The following PDE10A variants were observed in gnomAD, a reference collection of about 807,000 sequenced individuals.
PDE10A encodes phosphodiesterase 10A.
Under a neutral mutation model 97.7 loss-of-function variants are expected in PDE10A, and 39 were observed. The ratio of observed to expected loss-of-function variants is 0.40; its 90% confidence interval spans 0.31 to 0.52. The LOEUF (loss-of-function observed/expected upper bound fraction) is 0.52, where lower values mean the gene tolerates loss of function less well. PDE10A is among the 20% of genes least tolerant of loss of function. The probability of loss-of-function intolerance (pLI) is 0.56; values close to 1 mark genes in which losing one functional copy is unlikely to be tolerated. For synonymous variants in PDE10A, 371 were observed against 376.8 expected (o/e 0.98, Z 0.18); for missense variants, 731 against 1,047.8 (o/e 0.70, Z 4.17).
At chr6:165,688,488 A>G (rs1273428251) in intron 1 of PDE10A, among the ~76,000 whole-genome samples, 1 of 152,222 alleles carries the variant, frequency 6.6e-6, no homozygotes, top group Non-Finnish European at 1.5e-5. Flanking sequence ...ACTTGAAGCC[A>G]GAGTAGGAAA....
At chr6:165,848,086 AGCTAT>A (rs1181399529) in intron 1 of PDE10A, among the ~76,000 whole-genome samples, 6 of 21,066 alleles carry the variant, frequency 2.8e-4, no homozygotes, top group South Asian at 4.8e-3. Flanking sequence ...TCCATATGCT[AGCTAT>A]TTTTTTTTTT....
Position 165,943,261 on chromosome 6 carries a change from AGG to A in PDE10A, c.-615+44266_-615+44267del, listed in dbSNP as rs1189949886. On this transcript the variant is annotated intron_variant, in intron 1 of 19. Transcript: ENST00000366882. The stretch of plus-strand genomic sequence containing the variant: ...AAGGAAGGAAGGAAGGAAGGAAGGA[AGG>A]AAGGAAGGAAGGAAAGAAAGAAAGA... Among the ~76,000 whole-genome samples the A allele has an allele frequency of 1.0e-3, 129 of 129,272 alleles. 10 individuals are homozygous for A. The highest frequency in any genetic ancestry group is 4.0e-3 in the African/African-American group (122 of 30,648). 84.8% of individuals were successfully genotyped at this position (129,272 alleles called of 152,430 possible).
intron 1 of PDE10A, among the ~76,000 whole-genome samples, chr6:165,656,504 T>C (rs1789974454): frequency 6.6e-6 from 1 of 151,778 alleles, no homozygotes; most frequent in Admixed American, 6.6e-5. Context: ...TCACACAGAA[T>C]CCCAGCTCCA....
intron 1 of PDE10A, among the ~76,000 whole-genome samples, chr6:165,656,100 G>A (rs751182030): frequency 3.9e-5 from 6 of 151,960 alleles, no homozygotes; most frequent in Non-Finnish European, 7.4e-5. Flanking sequence ...CACCACCAGA[G>A]TGTGGGCACC....
At chr6:165,444,899 CT>C (rs1043141436) in intron 5 of PDE10A, among the ~76,000 whole-genome samples, 2 of 151,936 alleles carry the variant, frequency 1.3e-5, no homozygotes, top group African/African-American at 4.8e-5. Flanking sequence ...ATAATTCTTT[CT>C]TTTTTTAACC....
chr6:165,553,753 T>C (rs887342172), intron 1 of PDE10A, among the ~76,000 whole-genome samples: 2 of 152,244 alleles, frequency 1.3e-5, no homozygotes, highest in Non-Finnish European at 2.9e-5. Flanking sequence ...AATTACTTGC[T>C]TTCTCTCCTA....
chr6:165,709,733 T>A (rs1791847056), intron 1 of PDE10A, among the ~76,000 whole-genome samples: 1 of 121,114 alleles, frequency 8.3e-6, no homozygotes, highest in South Asian at 3.6e-4. Context: ...TCTACCCCCA[T>A]GCTGCCAGGC....
At chr6:165,503,793 T>A (rs1219589997) in intron 2 of PDE10A, among the ~76,000 whole-genome samples, 1 of 151,806 alleles carries the variant, frequency 6.6e-6, no homozygotes, top group African/African-American at 2.4e-5. Context: ...AGACCAAGTA[T>A]CCAAAAGAAA....
At chr6:165,812,153 G>T (rs1779301688) in intron 1 of PDE10A, among the ~76,000 whole-genome samples, 1 of 152,168 alleles carries the variant, frequency 6.6e-6, no homozygotes, top group Non-Finnish European at 1.5e-5. Context: ...ACCTAGCCAA[G>T]CCAGTGTCTT....
At chr6:165,435,146 T>C in intron 6 of PDE10A, 91 bp downstream of exon 6, 1 of 1,127,650 alleles carries the variant, frequency 8.9e-7, no homozygotes, top group Non-Finnish European at 1.3e-6. Flanking sequence ...AAAATGAAAC[T>C]ATTTAAATTA....
At chr6:165,835,255 A>C (rs1394973113) in intron 1 of PDE10A, among the ~76,000 whole-genome samples, 1 of 152,154 alleles carries the variant, frequency 6.6e-6, no homozygotes, top group East Asian at 1.9e-4. Flanking sequence ...CTTTGAAACA[A>C]ATTTATTTTT....
chr6:165,936,255 T>G lies in PDE10A; in HGVS notation c.-615+51274A>C, dbSNP rs554887394. The stretch of plus-strand genomic sequence containing the variant: ...GCTGGAGATATGAAATCCATTTTAC[T>G]GATGCCAGAGGGAGGAATGTGATGA... On this transcript the variant is annotated intron_variant, in intron 1 of 19. Transcript: ENST00000366882. 1.3e-5 allele frequency among the ~76,000 whole-genome samples: 2 copies of G among 152,272 alleles called. 1 individual carries two copies. Among genetic ancestry groups the G allele is most frequent in the South Asian group, 4.2e-4 (2 of 4,814 alleles).
chr6:165,458,920 A>AC (rs918542760), intron 3 of PDE10A, among the ~76,000 whole-genome samples: 18 of 151,796 alleles, frequency 1.2e-4, no homozygotes, highest in African/African-American at 3.1e-4. Context: ...AAGGATTATG[A>AC]CCCCCCACCC....
chr6:165,455,940 C>A (rs73035726), intron 3 of PDE10A, among the ~76,000 whole-genome samples: 1 of 152,312 alleles, frequency 6.6e-6, no homozygotes, highest in Non-Finnish European at 1.5e-5. Flanking sequence ...TACATAATTA[C>A]AGAATTTACA....
At chr6:165,615,761 C>T (rs990184987) in intron 1 of PDE10A, among the ~76,000 whole-genome samples, 3 of 152,152 alleles carry the variant, frequency 2.0e-5, no homozygotes, top group East Asian at 1.9e-4. Context: ...TTCACACTCC[C>T]GCTGCTTCTC....
chr6:165,728,715 G>A (rs1038918238), intron 1 of PDE10A, among the ~76,000 whole-genome samples: 7 of 152,114 alleles, frequency 4.6e-5, no homozygotes, highest in Non-Finnish European at 8.8e-5. Context: ...TAAGACACCA[G>A]GAAAGGTGGC....
chr6:165,717,083 T>G (rs531414370), intron 1 of PDE10A, among the ~76,000 whole-genome samples: 135 of 152,348 alleles, frequency 8.9e-4, no homozygotes, highest in African/African-American at 2.9e-3. Context: ...GGAAGTGGAA[T>G]GCACAGTATT....
chr6:165,908,643 G>T (rs1488946966), intron 1 of PDE10A, among the ~76,000 whole-genome samples: 1 of 152,164 alleles, frequency 6.6e-6, no homozygotes, highest in African/African-American at 2.4e-5. Flanking sequence ...CAGAGGAGTG[G>T]GCACTCCAGA....
chr6:165,686,130 GACACACACACACACACACACAC>G (rs57547290), intron 1 of PDE10A, among the ~76,000 whole-genome samples: 18 of 145,316 alleles, frequency 1.2e-4, no homozygotes, highest in Admixed American at 4.1e-4. Context: ...AATGTGCATG[GACACACACACACACACACACAC>G]ACACACACAC....
Sources: gnomAD v4.1 joint callset for allele counts (sites outside exome capture counted in the v4.1 genomes callset) on GRCh38, gnomAD v4.1.1 for gene constraint, MANE v1.5 for transcripts, NCBI Gene and HGNC (gene_info 2026-07-23, HGNC 2026-07-21) for gene names.